Variants in POU2F2 observed in about 807,000 individuals in gnomAD.
POU2F2 encodes the protein POU domain, class 2, transcription factor 2.
Under a neutral mutation model 63.5 loss-of-function variants are expected in POU2F2, and 14 were observed. The observed-to-expected ratio is 0.22, with a 90% CI of 0.15 to 0.34. The LOEUF (loss-of-function observed/expected upper bound fraction) is 0.34, where lower values mean the gene tolerates loss of function less well. POU2F2 is among the 10% of genes least tolerant of loss of function. The pLI is 1.00. For missense variants in POU2F2, 607 were observed against 815.2 expected, an observed-to-expected ratio of 0.74 and a Z score of 3.11; for synonymous variants, 306 against 348.6, an observed-to-expected ratio of 0.88 and a Z score of 1.36.
rs966324886 is a variant in POU2F2 at position 42,155,814 on chromosome 19, G to T, written c.-9+4518C>A. On this transcript the variant is annotated intron_variant, in intron 2 of 6. Transcript: ENST00000524801. This position sits in a 1 kb window ranked among gnomAD's most constrained non-coding sequence, Gnocchi z 4.2. Reference sequence around the variant, plus strand: ...ACACTCAACACAGAGATCCAGCTCAGAAAAAAAGGAGCTGACCAGGGAGGA... The same window carrying T: ...ACACTCAACACAGAGATCCAGCTCATAAAAAAAGGAGCTGACCAGGGAGGA... 1 of 152,162 alleles carries T rather than the reference G, an allele frequency of 6.6e-6. No homozygotes were observed. The highest frequency in any genetic ancestry group is 2.4e-5 in the African/African-American group (1 of 41,358). 9.4% of individuals were successfully genotyped at this position (152,162 alleles called of 1,614,324 possible).
Position 42,093,230 on chromosome 19 carries a change from G to A in POU2F2, c.1264+599C>T, listed in dbSNP as rs201771051. Among the ~76,000 whole-genome samples, 4 of 151,460 alleles carry A rather than the reference G, an allele frequency of 2.6e-5. No homozygotes were observed. In the East Asian group the frequency reaches 5.8e-4, roughly 22 times the overall value. ...TTACCATGTTGGCCAGGCTGGTCTCGAACTCCTGACCTCAGGTGATCCACA... is the reference window on the plus strand; with the variant it reads ...TTACCATGTTGGCCAGGCTGGTCTCAAACTCCTGACCTCAGGTGATCCACA... On this transcript the variant is annotated intron_variant, in intron 12 of 14. Transcript: ENST00000692977.
intron 5 of POU2F2, among the ~76,000 whole-genome samples, chr19:42,111,601 C>A (rs1367378493): frequency 6.6e-6 from 1 of 152,156 alleles, no homozygotes; most frequent in African/African-American, 2.4e-5. Context: ...ACATCCCATT[C>A]CTCCCATCTT....
At position 42,153,376 on chromosome 19, in the gene POU2F2, T is replaced by C. The variant is rs914566107; in HGVS notation, c.-9+6956A>G. Reference sequence around the variant, plus strand: ...TAAGTCTCTGTCTGTCCCTTGGGGATGTATCCCAGGAACACCTCAGGGATC... The same window carrying C: ...TAAGTCTCTGTCTGTCCCTTGGGGACGTATCCCAGGAACACCTCAGGGATC... On this transcript the variant is annotated intron_variant, in intron 2 of 6. Transcript: ENST00000524801. The surrounding 1 kb of genome is among the most constrained non-coding windows in gnomAD (Gnocchi z 5.6). Among the ~76,000 whole-genome samples the C allele has an allele frequency of 3.9e-5, 6 of 152,166 alleles. No individual in the cohort carries two copies. Among genetic ancestry groups the C allele is most frequent in the Admixed American group, 3.3e-4 (5 of 15,292 alleles).
At chr19:42,145,900 C>T (rs2034220586) in intron 2 of POU2F2, among the ~76,000 whole-genome samples, 2 of 151,946 alleles carry the variant, frequency 1.3e-5, no homozygotes, top group South Asian at 4.2e-4. Context: ...CGCCACTGCA[C>T]TCCAGCCTGG....
Position 42,155,211 on chromosome 19 carries a change from T to C in POU2F2, c.-9+5121A>G, listed in dbSNP as rs923623776. ...CTGCCTTCATCTTTCTCTGATGCAC[T>C]CTCATGCGCTCAGCTCGCATGCACG... On this transcript the variant is annotated intron_variant, in intron 2 of 6. Coordinates refer to the POU2F2 transcript ENST00000524801. The surrounding 1 kb of genome is among the most constrained non-coding windows in gnomAD (Gnocchi z 4.2). 2.0e-5 allele frequency among the ~76,000 whole-genome samples: 3 copies of C among 152,246 alleles called. No homozygotes were observed. Among genetic ancestry groups the C allele is most frequent in the Non-Finnish European group, 4.4e-5 (3 of 68,044 alleles).
chr19:42,141,826 GAACA>G (rs1475512475), intron 2 of POU2F2, among the ~76,000 whole-genome samples: 4 of 152,096 alleles, frequency 2.6e-5, no homozygotes, highest in Non-Finnish European at 5.9e-5. Context: ...CATGCCCTAA[GAACA>G]AACATGTTCA....
chr19:42,141,106 G>A (rs1250823100), intron 2 of POU2F2, among the ~76,000 whole-genome samples: 3 of 152,274 alleles, frequency 2.0e-5, no homozygotes, highest in East Asian at 1.9e-4. Flanking sequence ...TAGTATCCCC[G>A]GGCTTTAGCA....
upstream of POU2F2, among the ~76,000 whole-genome samples, chr19:42,177,715 G>C (rs1293528702): frequency 6.6e-6 from 1 of 151,620 alleles, no homozygotes; most frequent in Non-Finnish European, 1.5e-5. Context: ...GAGACAGAGG[G>C]GTAAGGGCGA....
intron 1 of POU2F2, among the ~76,000 whole-genome samples, chr19:42,194,603 A>AC (rs2035109357): frequency 6.6e-6 from 1 of 151,724 alleles, no homozygotes; most frequent in Non-Finnish European, 1.5e-5. Flanking sequence ...TACTAAAAAT[A>AC]TAAAAATTAG....
At chr19:42,122,275 A>T (rs2032718820) in intron 3 of POU2F2, 69 bp downstream of exon 3, 1 of 1,427,368 alleles carries the variant, frequency 7.0e-7, no homozygotes, top group African/African-American at 1.7e-5. Context: ...CATAGGCGGC[A>T]CAGAGCCCCC....
At chr19:42,151,406 G>A (rs1274438273) in intron 2 of POU2F2, among the ~76,000 whole-genome samples, 1 of 152,092 alleles carries the variant, frequency 6.6e-6, no homozygotes, top group African/African-American at 2.4e-5. Flanking sequence ...GCTGGGAGGA[G>A]AGGAGGATCT....
At chr19:42,151,749 C>T (rs2034356543) in intron 2 of POU2F2, among the ~76,000 whole-genome samples, 1 of 152,092 alleles carries the variant, frequency 6.6e-6, no homozygotes, top group Non-Finnish European at 1.5e-5. Flanking sequence ...CCTCCCCCAC[C>T]CAGGTCAGGG....
Position 42,087,057 on chromosome 19 carries a change from T to G in POU2F2, c.*4200A>C, listed in dbSNP as rs1049620674. On this transcript the variant is annotated 3_prime_UTR_variant, in exon 15 of 15. Coordinates refer to ENST00000692977, the MANE Select transcript of POU2F2 (RefSeq NM_001394376.1). ...TGAAGGACTTGCGGCTTGGAGTTTT[T>G]GTGTATTTTTTTTTATTTTTATTTT... The G allele has an allele frequency of 2.0e-5, 3 of 151,968 alleles. No homozygotes were observed. Among genetic ancestry groups the G allele is most frequent in the African/African-American group, 7.2e-5 (3 of 41,446 alleles). The allele number at this position is 151,968 out of a possible 1,614,324, so 9.4% of individuals were successfully genotyped here. A position where few individuals can be genotyped will look rare whatever the true frequency, so the allele number is the denominator to read the frequency against.
At chr19:42,171,431 C>CTTGTGTGT (rs1214603539) in intron 1 of POU2F2, among the ~76,000 whole-genome samples, 30 of 138,644 alleles carry the variant, frequency 2.2e-4, no homozygotes, top group African/African-American at 6.9e-4. Flanking sequence ...GGCTGCGCTT[C>CTTGTGTGT]GTGTGTGTGT....
At chr19:42,149,827 C>A (rs1259604803) in intron 2 of POU2F2, among the ~76,000 whole-genome samples, 1 of 152,200 alleles carries the variant, frequency 6.6e-6, no homozygotes, top group Non-Finnish European at 1.5e-5. Flanking sequence ...GTGGTGTCGT[C>A]CCCATCCCTG....
chr19:42,117,102 G>A lies in POU2F2; in HGVS notation c.369+148C>T. 1.4e-6 allele frequency: 1 copy of A among 718,508 alleles called. No individual in the cohort carries two copies. Among genetic ancestry groups the A allele is most frequent in the Admixed American group, 2.4e-5 (1 of 41,094 alleles). The allele number at this position is 718,508 out of a possible 1,614,324, so 44.5% of individuals were successfully genotyped here. A position where few individuals can be genotyped will look rare whatever the true frequency, so the allele number is the denominator to read the frequency against. On this transcript the variant is annotated intron_variant, in intron 5 of 14. Transcript: ENST00000692977. This position sits in a 1 kb window ranked among gnomAD's most constrained non-coding sequence, Gnocchi z 4.4. ...AGTGCCTAAGCCAAGCAAGTAAGGG[G>A]ACAAGACCTCCTAGAGGACAGAAGA...
intron 1 of POU2F2, among the ~76,000 whole-genome samples, chr19:42,185,194 T>A (rs1032928481): frequency 8.5e-5 from 13 of 152,178 alleles, no homozygotes; most frequent in African/African-American, 3.1e-4. Flanking sequence ...TTCATAGAGT[T>A]CAACCGAGTA....
At chr19:42,171,302 G>T (rs1366341214) in intron 1 of POU2F2, among the ~76,000 whole-genome samples, 7 of 152,204 alleles carry the variant, frequency 4.6e-5, no homozygotes, top group Non-Finnish European at 7.3e-5. Context: ...ATGAGTGTGT[G>T]TGTGTATGCG....
Position 42,099,634 on chromosome 19 carries a change from G to A in POU2F2, c.476-16C>T, listed in dbSNP as rs368953395. 281 of 1,609,734 alleles carry A rather than the reference G, an allele frequency of 1.7e-4. No individual in the cohort carries two copies. Among genetic ancestry groups the A allele is most frequent in the Non-Finnish European group, 2.2e-4 (258 of 1,176,228 alleles). The stretch of plus-strand genomic sequence containing the variant: ...GGTAGCAGGCCTGGAAAGACAAGGG[G>A]AAATACACAGGGTGAGGGGGAGGGG... On this transcript the variant is annotated splice_polypyrimidine_tract_variant and intron_variant, in intron 6 of 14. Coordinates refer to ENST00000692977, the MANE Select transcript of POU2F2 (RefSeq NM_001394376.1).
Sources: gnomAD v4.1 joint callset for allele counts (sites outside exome capture counted in the v4.1 genomes callset) on GRCh38, gnomAD v4.1.1 for gene constraint, Gnocchi (gnomAD v3.1) non-coding constraint, MANE v1.5 for transcripts, NCBI Gene and HGNC (gene_info 2026-07-23, HGNC 2026-07-21) for gene names.